PHC3: variants seen among roughly 807,000 people sequenced by gnomAD.
The protein encoded by PHC3 is polyhomeotic-like protein 3.
In PHC3, 13 loss-of-function variants were observed where a neutral mutation model predicts 107.4. The observed-to-expected ratio is 0.12, with a 90% CI of 0.08 to 0.19. The LOEUF is 0.19. Ranked by LOEUF, PHC3 falls within the 10% of genes least tolerant of loss-of-function variation. PHC3 has a pLI of 1.00. For missense variants in PHC3, 992 were observed against 1,210.9 expected (o/e 0.82, Z 2.68); for synonymous variants, 456 against 427.4 (o/e 1.07, Z -0.83).
At chr3:170,110,921 A>G (rs1389298868) in intron 11 of PHC3, among the ~76,000 whole-genome samples, 2 of 152,194 alleles carry the variant, frequency 1.3e-5, no homozygotes, top group African/African-American at 2.4e-5. Context: ...GCCAAGAAAA[A>G]AAGAATACCT....
chr3:170,099,973 T>C (rs138033055), intron 14 of PHC3, among the ~76,000 whole-genome samples: 1,637 of 152,282 alleles, frequency 0.011, 31 homozygotes, highest in African/African-American at 0.037. Context: ...CCGCAGTAAA[T>C]TGAAAATAAG....
intron 4 of PHC3, among the ~76,000 whole-genome samples, chr3:170,162,465 T>C (rs1050597681): frequency 7.9e-5 from 12 of 152,192 alleles, no homozygotes; most frequent in Admixed American, 3.9e-4. Flanking sequence ...CCTCACATCT[T>C]TTATTCAGTG....
intron 8 of PHC3, among the ~76,000 whole-genome samples, chr3:170,123,180 C>G (rs1347242303): frequency 2.0e-5 from 3 of 152,108 alleles, no homozygotes; most frequent in African/African-American, 4.8e-5. Flanking sequence ...ATGTAGGATT[C>G]TATCCCAGGC....
intron 11 of PHC3, among the ~76,000 whole-genome samples, chr3:170,112,524 A>AT (rs34511229): frequency 0.31 from 36,660 of 119,694 alleles, 5,402 homozygotes; most frequent in East Asian, 0.46. Flanking sequence ...CGCCTGGCCT[A>AT]TTTTTTTTTT....
intron 7 of PHC3, among the ~76,000 whole-genome samples, chr3:170,130,651 T>C (rs1357740718): frequency 1.3e-5 from 2 of 152,148 alleles, no homozygotes; most frequent in Non-Finnish European, 1.5e-5. Context: ...ATAATTGATG[T>C]GACAGTATGA....
intron 1 of PHC3, among the ~76,000 whole-genome samples, chr3:170,180,607 G>A (rs1409413606): frequency 1.4e-5 from 2 of 144,866 alleles, no homozygotes; most frequent in African/African-American, 5.1e-5. Flanking sequence ...TCAAATCACA[G>A]CATCATATGG....
chr3:170,104,449 T>G (rs1251826538), intron 12 of PHC3, among the ~76,000 whole-genome samples: 2 of 152,172 alleles, frequency 1.3e-5, no homozygotes, highest in African/African-American at 4.8e-5. Flanking sequence ...CAAAAATCTG[T>G]TTTGTAGAGA....
At chr3:170,138,758 A>T (rs1723565672) in intron 6 of PHC3, among the ~76,000 whole-genome samples, 1 of 152,028 alleles carries the variant, frequency 6.6e-6, no homozygotes, top group Non-Finnish European at 1.5e-5. Flanking sequence ...ATTGCCACTC[A>T]AAGCCCTCCA....
chr3:170,104,602 C>A (rs1472298366), intron 12 of PHC3, among the ~76,000 whole-genome samples: 1 of 152,074 alleles, frequency 6.6e-6, no homozygotes, highest in South Asian at 2.1e-4. Flanking sequence ...AAGAAAGTTA[C>A]AAGAATAAAT....
chr3:170,170,811 C>G (rs1226391863), intron 4 of PHC3: 1 of 152,144 alleles, frequency 6.6e-6, no homozygotes, highest in Non-Finnish European at 1.5e-5. Flanking sequence ...TTACCATGCC[C>G]ATAAATTTAT....
intron 14 of PHC3, 47 bp downstream of exon 14, chr3:170,102,432 G>T: frequency 6.3e-7 from 1 of 1,581,818 alleles, no homozygotes. Context: ...ATTGCTGTGT[G>T]TGAATGCACA....
At chr3:170,113,986 T>C (rs1718385177) in intron 10 of PHC3, among the ~76,000 whole-genome samples, 1 of 152,146 alleles carries the variant, frequency 6.6e-6, no homozygotes, top group African/African-American at 2.4e-5. Context: ...AAGTTCTTTG[T>C]GGAGACTAAC....
At chr3:170,101,217 C>T (rs1320847909) in intron 14 of PHC3, among the ~76,000 whole-genome samples, 1 of 152,206 alleles carries the variant, frequency 6.6e-6, no homozygotes, top group Admixed American at 6.5e-5. Flanking sequence ...AGTATCTCCA[C>T]TTTAAACAAT....
At chr3:170,148,337 T>C (rs1018992151) in intron 5 of PHC3, 1 of 152,146 alleles carries the variant, frequency 6.6e-6, no homozygotes, top group Non-Finnish European at 1.5e-5. Context: ...TTCAGTCCAC[T>C]GGACAAAAAA....
intron 12 of PHC3, among the ~76,000 whole-genome samples, chr3:170,105,308 T>C (rs6781454): frequency 0.11 from 17,013 of 152,250 alleles, 1,020 homozygotes; most frequent in Middle Eastern, 0.16. Context: ...AATTTGATTA[T>C]TGATTTATCA....
At chr3:170,098,518 TATG>T (rs1403694414) in intron 14 of PHC3, among the ~76,000 whole-genome samples, 1 of 152,212 alleles carries the variant, frequency 6.6e-6, no homozygotes, top group African/African-American at 2.4e-5. Context: ...TATGTAAGAT[TATG>T]ATGTCTTACA....
In PHC3 at chr3:170,102,562, T is replaced by A; in HGVS notation, c.2750A>T (p.Asn917Ile). The A allele has an allele frequency of 1.2e-6, 2 of 1,613,870 alleles. No homozygotes were observed. The highest frequency in any genetic ancestry group is 1.7e-6 in the Non-Finnish European group (2 of 1,179,830). The change falls in exon 14 of 15, where the codon AAC (asparagine) becomes ATC (isoleucine). Residue 917 changes from asparagine (N) to isoleucine (I), a missense_variant. Coordinates refer to ENST00000495893, the MANE Select transcript of PHC3 (RefSeq NM_024947.4). ...TTGTGCAACTGGTAGCAAGTCACTG[T>A]TCTCAGGCATTTTCCGAATTCTCAC... ...RDVRIRKMPE[N>I]SDLLPVAQTE...
chr3:170,102,573 T>C lies in PHC3; in HGVS notation c.2739A>G (p.Lys913=). The C allele has an allele frequency of 3.1e-6, 5 of 1,613,922 alleles. No individual in the cohort carries two copies. The East Asian group carries it at 8.9e-5, about 29-fold the overall frequency. ...GTAGCAAGTCACTGTTCTCAGGCAT[T>C]TTCCGAATTCTCACATCCCGAAGCT... ...ERELRDVRIR[K]MPENSDLLPV... is the part of the protein sequence containing the mutation. Residue 913 remains lysine (K), a synonymous_variant, in exon 14 of 15, where the codon AAA becomes AAG. Transcript: ENST00000495893.
chr3:170,099,629 C>T (rs1715154107), intron 14 of PHC3, among the ~76,000 whole-genome samples: 1 of 152,134 alleles, frequency 6.6e-6, no homozygotes, highest in Non-Finnish European at 1.5e-5. Context: ...GCTCTCAGCA[C>T]AGGCAAGGAC....
Sources: gnomAD v4.1 joint callset for allele counts (sites outside exome capture counted in the v4.1 genomes callset) on GRCh38, gnomAD v4.1.1 for gene constraint, MANE v1.5 for transcripts, NCBI Gene and HGNC (gene_info 2026-07-23, HGNC 2026-07-21) for gene names.